Variants in MGAT4C observed in about 807,000 individuals in gnomAD.
MGAT4C encodes alpha-1,3-mannosyl-glycoprotein 4-beta-N-acetylglucosaminyltransferase C.
A neutral mutation model predicts 40.1 loss-of-function variants in MGAT4C; 19 were observed. The observed-to-expected ratio is 0.47, with a 90% CI of 0.33 to 0.70. MGAT4C has a LOEUF of 0.70. MGAT4C is among the 30% of genes least tolerant of loss of function. The probability of loss-of-function intolerance (pLI) is 0.02; values close to 1 mark genes in which losing one functional copy is unlikely to be tolerated. For synonymous variants in MGAT4C, 181 were observed against 187.1 expected (o/e 0.97, Z 0.27); for missense variants, 491 against 563.2 (o/e 0.87, Z 1.30).
chr12:86,000,181 AAACT>A (rs1329298729), intron 2 of MGAT4C, among the ~76,000 whole-genome samples: 5 of 152,198 alleles, frequency 3.3e-5, no homozygotes, highest in Admixed American at 1.3e-4. Flanking sequence ...AAAAAAGGGT[AAACT>A]AACCCCAAAG....
chr12:86,730,313 A>G (rs1016086527), intron 1 of MGAT4C, among the ~76,000 whole-genome samples: 1 of 152,070 alleles, frequency 6.6e-6, no homozygotes, highest in African/African-American at 2.4e-5. Context: ...TTAAATTAAG[A>G]AACTGCACCT....
At chr12:86,380,649 G>T (rs1402622660) in intron 3 of MGAT4C, among the ~76,000 whole-genome samples, 2 of 152,118 alleles carry the variant, frequency 1.3e-5, no homozygotes, top group African/African-American at 4.8e-5. Context: ...AGCCCTTTGT[G>T]TGTATCATTT....
At chr12:86,370,762 A>C (rs1327609463) in intron 3 of MGAT4C, among the ~76,000 whole-genome samples, 1 of 152,164 alleles carries the variant, frequency 6.6e-6, no homozygotes, top group African/African-American at 2.4e-5. Context: ...AAAGTTCAAT[A>C]TGTATGCATA....
chr12:86,445,722 T>G, intron 2 of MGAT4C, among the ~76,000 whole-genome samples: 1 of 152,164 alleles, frequency 6.6e-6, no homozygotes, highest in East Asian at 1.9e-4. Context: ...ATGAGCAAAC[T>G]TTTGCTATAC....
At chr12:86,523,521 T>TTA (rs1417981896) in intron 2 of MGAT4C, among the ~76,000 whole-genome samples, 3 of 152,108 alleles carry the variant, frequency 2.0e-5, no homozygotes, top group African/African-American at 7.2e-5. Flanking sequence ...GTGATGAACT[T>TTA]TATATTATGT....
chr12:86,122,502 C>G (rs561508690), intron 1 of MGAT4C, among the ~76,000 whole-genome samples: 1 of 152,078 alleles, frequency 6.6e-6, no homozygotes, highest in South Asian at 2.1e-4. Flanking sequence ...CACTTTTCAT[C>G]TTATCTAAGT....
intron 3 of MGAT4C, among the ~76,000 whole-genome samples, chr12:86,422,116 C>T (rs1245891603): frequency 6.6e-6 from 1 of 152,044 alleles, no homozygotes; most frequent in Admixed American, 6.6e-5. Context: ...TGATGAAAAT[C>T]AAGGGGGACC....
At chr12:86,459,276 G>A (rs980580276) in intron 2 of MGAT4C, among the ~76,000 whole-genome samples, 2 of 152,024 alleles carry the variant, frequency 1.3e-5, no homozygotes, top group African/African-American at 4.8e-5. Flanking sequence ...CTCTTATCTT[G>A]AGTGTGGGCA....
intron 1 of MGAT4C, among the ~76,000 whole-genome samples, chr12:86,118,486 A>G (rs1447733775): frequency 6.6e-6 from 1 of 152,178 alleles, no homozygotes; most frequent in East Asian, 1.9e-4. Context: ...GCCAATCCTT[A>G]TCCTTGACTA....
chr12:86,574,484 A>G (rs1960486157), intron 2 of MGAT4C, among the ~76,000 whole-genome samples: 2 of 151,730 alleles, frequency 1.3e-5, no homozygotes, highest in African/African-American at 4.8e-5. Flanking sequence ...AATCCTCTCA[A>G]TCTTATAATT....
At chr12:86,444,639 C>A (rs957761796) in intron 2 of MGAT4C, among the ~76,000 whole-genome samples, 1 of 152,138 alleles carries the variant, frequency 6.6e-6, no homozygotes, top group East Asian at 1.9e-4. Flanking sequence ...ACATGGAATT[C>A]TTTCAGTTAA....
At chr12:86,332,141 T>C (rs1954682943) in intron 4 of MGAT4C, among the ~76,000 whole-genome samples, 1 of 152,094 alleles carries the variant, frequency 6.6e-6, no homozygotes, top group South Asian at 2.1e-4. Flanking sequence ...TAATGAACAA[T>C]TTTAAATTAT....
intron 1 of MGAT4C, among the ~76,000 whole-genome samples, chr12:86,067,887 G>A (rs986506554): frequency 6.6e-6 from 1 of 152,116 alleles, no homozygotes; most frequent in Non-Finnish European, 1.5e-5. Context: ...TTCTTGACAT[G>A]CAGAGCAAGA....
intron 3 of MGAT4C, among the ~76,000 whole-genome samples, chr12:85,987,262 A>G (rs1357461393): frequency 1.4e-5 from 2 of 148,114 alleles, no homozygotes; most frequent in South Asian, 2.1e-4. Flanking sequence ...TCAGCCTCCC[A>G]AGTAGCTGGG....
At chr12:86,407,984 G>T (rs1488865935) in intron 3 of MGAT4C, among the ~76,000 whole-genome samples, 1 of 151,964 alleles carries the variant, frequency 6.6e-6, no homozygotes, top group Non-Finnish European at 1.5e-5. Flanking sequence ...CTAAACATGG[G>T]TATATATTGC....
At chr12:86,774,345 C>CTTTCTTTTTCTTTCTTTCTTTCTT (rs1951708548) in intron 1 of MGAT4C, among the ~76,000 whole-genome samples, 6 of 14,904 alleles carry the variant, frequency 4.0e-4, no homozygotes, top group African/African-American at 8.1e-4. Flanking sequence ...CTTTCTGTCT[C>CTTTCTTTTTCTTTCTTTCTTTCTT]TCTCTCTCCC....
At chr12:86,125,847 C>G (rs1880150787) in intron 1 of MGAT4C, among the ~76,000 whole-genome samples, 1 of 151,964 alleles carries the variant, frequency 6.6e-6, no homozygotes, top group East Asian at 1.9e-4. Flanking sequence ...TGAGTGACAG[C>G]TGCATAAACT....
intron 1 of MGAT4C, among the ~76,000 whole-genome samples, chr12:86,179,422 C>A (rs1250202475): frequency 6.6e-6 from 1 of 152,108 alleles, no homozygotes; most frequent in Admixed American, 6.6e-5. Flanking sequence ...AATGTGGAAG[C>A]AACTTTGGAA....
chr12:86,820,788 T>C (rs1195236359), intron 1 of MGAT4C, among the ~76,000 whole-genome samples: 1 of 150,820 alleles, frequency 6.6e-6, no homozygotes, highest in East Asian at 1.9e-4. Context: ...TTTGAGGAAA[T>C]AGATATATAA....
Sources: allele counts gnomAD v4.1 joint callset (sites outside exome capture counted in the v4.1 genomes callset), GRCh38; gene constraint gnomAD v4.1.1; transcripts MANE v1.5; gene names NCBI Gene and HGNC (gene_info 2026-07-23, HGNC 2026-07-21).